The following GMPS variants were observed in gnomAD, a reference collection of about 807,000 sequenced individuals.
GMPS encodes the protein GMP synthase [glutamine-hydrolyzing].
A neutral mutation model predicts 77.9 loss-of-function variants in GMPS; 15 were observed. That is an observed-to-expected ratio of 0.19 (90% CI 0.13 to 0.30). The LOEUF (loss-of-function observed/expected upper bound fraction) is 0.30, where lower values mean the gene tolerates loss of function less well. GMPS is among the 10% of genes least tolerant of loss of function. GMPS has a pLI of 1.00. For missense variants in GMPS, 590 were observed against 838.8 expected (o/e 0.70, Z 3.66); for synonymous variants, 224 against 275.9 (o/e 0.81, Z 1.86).
chr3:155,933,533 A>G (rs1030300061), intron 13 of GMPS, among the ~76,000 whole-genome samples: 5 of 150,484 alleles, frequency 3.3e-5, no homozygotes, highest in African/African-American at 7.3e-5. Flanking sequence ...CTTACTGTCT[A>G]TACGTGGGAC....
At chr3:155,907,242 G>A (rs1045780520) in intron 5 of GMPS, among the ~76,000 whole-genome samples, 6 of 152,182 alleles carry the variant, frequency 3.9e-5, no homozygotes, top group African/African-American at 9.6e-5. Flanking sequence ...ACAAACATTC[G>A]AGTACCTATT....
At position 155,935,187 on chromosome 3, in the gene GMPS, T is replaced by G. The variant is rs543482735; in HGVS notation, c.1807+141T>G. 3.7e-5 allele frequency: 25 copies of G among 683,928 alleles called. No individual in the cohort carries two copies. The Admixed American group carries it at 5.7e-4, about 16-fold the overall frequency. 42.4% of individuals were successfully genotyped at this position (683,928 alleles called of 1,614,324 possible). On this transcript the variant is annotated intron_variant, in intron 14 of 15. Transcript: ENST00000496455. ...ATCTTTGAATGTTCTATGATGTTGC[T>G]TTTTTTTCTTGAGACGGAGTCTGTC...
At chr3:155,915,902 A>G in intron 8 of GMPS, 117 bp from the exon 9 acceptor site, 1 of 669,330 alleles carries the variant, frequency 1.5e-6, no homozygotes, top group Middle Eastern at 3.9e-4. Flanking sequence ...AGATTGGTGG[A>G]TTTTATTTTC....
chr3:155,886,543 C>T lies in GMPS; in HGVS notation c.28-6975C>T, dbSNP rs368051160. On this transcript the variant is annotated intron_variant, in intron 1 of 15. Transcript: ENST00000496455. ...GAGATCGCGCCACTGCACTCTAGCCCGGGCTACAGTACAAGAGTCCATCTC... is the reference window on the plus strand; with the variant it reads ...GAGATCGCGCCACTGCACTCTAGCCTGGGCTACAGTACAAGAGTCCATCTC... 5.5e-3 allele frequency among the ~76,000 whole-genome samples: 756 copies of T among 137,898 alleles called. 2 individuals carry two copies. The highest frequency in any genetic ancestry group is 0.014 in the South Asian group (58 of 4,218). 90.5% of individuals were successfully genotyped at this position (137,898 alleles called of 152,430 possible).
chr3:155,933,565 G>A (rs1410827908), intron 13 of GMPS, among the ~76,000 whole-genome samples: 2 of 152,184 alleles, frequency 1.3e-5, no homozygotes, highest in Non-Finnish European at 2.9e-5. Flanking sequence ...TTCTGTTGTA[G>A]TATGTTTGGA....
intron 11 of GMPS, among the ~76,000 whole-genome samples, chr3:155,924,530 A>G (rs1194208390): frequency 1.3e-5 from 2 of 152,228 alleles, no homozygotes; most frequent in South Asian, 4.1e-4. Flanking sequence ...AAGGACAACT[A>G]CTGCAAGAAT....
intron 12 of GMPS, among the ~76,000 whole-genome samples, chr3:155,925,581 G>A (rs1755434241): frequency 6.6e-6 from 1 of 152,108 alleles, no homozygotes; most frequent in Admixed American, 6.5e-5. Context: ...CAAGTTTAGA[G>A]AAATAAGGTA....
intron 5 of GMPS, 68 bp from the exon 6 acceptor site, chr3:155,910,624 A>G: frequency 1.4e-6 from 1 of 711,340 alleles, no homozygotes; most frequent in South Asian, 2.3e-5. Flanking sequence ...TGAGAAATTA[A>G]TTGTGGTTAT....
intron 14 of GMPS, among the ~76,000 whole-genome samples, chr3:155,936,073 A>G (rs999127634): frequency 1.3e-5 from 2 of 152,202 alleles, no homozygotes; most frequent in Non-Finnish European, 2.9e-5. Flanking sequence ...ACTGCAAATT[A>G]TAATAGAGAA....
intron 11 of GMPS, among the ~76,000 whole-genome samples, chr3:155,923,392 T>C (rs1178378987): frequency 6.6e-6 from 1 of 152,104 alleles, no homozygotes; most frequent in Non-Finnish European, 1.5e-5. Context: ...AAAAATGTAT[T>C]AATTCCTCCA....
chr3:155,902,088 T>G (rs1754749729), intron 3 of GMPS, among the ~76,000 whole-genome samples: 1 of 152,194 alleles, frequency 6.6e-6, no homozygotes, highest in African/African-American at 2.4e-5. Context: ...CTATATGGCT[T>G]TCTTTGAGGC....
At chr3:155,882,965 A>G (rs1560036343) in intron 1 of GMPS, among the ~76,000 whole-genome samples, 1 of 152,364 alleles carries the variant, frequency 6.6e-6, no homozygotes, top group East Asian at 1.9e-4. Flanking sequence ...GTATGTAGAA[A>G]AGAGACTGGG....
chr3:155,914,324 G>A lies in GMPS; in HGVS notation c.887-95G>A, dbSNP rs537189962. On this transcript the variant is annotated intron_variant, in intron 7 of 15. Transcript: ENST00000496455. ...GATCAAAGGACTGCTCTTCAGACTG[G>A]GAAAGAAATAGCTTTTCTTTCTGTA... The A allele has an allele frequency of 2.2e-4, 192 of 883,422 alleles. No individual in the cohort carries two copies. In the African/African-American group the frequency reaches 2.3e-3, roughly 11 times the overall value. 54.7% of individuals were successfully genotyped at this position (883,422 alleles called of 1,614,324 possible). A position where few individuals can be genotyped will look rare whatever the true frequency, so the allele number is the denominator to read the frequency against.
In GMPS at chr3:155,931,875, TA is replaced by T; in HGVS notation, c.1673del (p.Asn558ThrfsTer23). 1.4e-6 allele frequency: 2 copies of T among 1,442,762 alleles called. No individual in the cohort carries two copies. Among genetic ancestry groups the T allele is most frequent in the Non-Finnish European group, 2.0e-6 (2 of 1,024,962 alleles). The allele number at this position is 1,442,762 out of a possible 1,614,324, so 89.4% of individuals were successfully genotyped here. On this transcript the variant is annotated frameshift_variant, in exon 13 of 16. Transcript: ENST00000496455. LOFTEE classifies it high-confidence loss of function. Reference protein sequence around the residue: ...RLIPRMCHNVNRVVYIFGPPV... With the variant: ...RLIPRMCHNVXRVVYIFGPPV... The stretch of plus-strand genomic sequence containing the variant: ...TTATACCTCGCATGTGTCACAACGT[TA>T]ACAGGTGTGTTTCACAGGAGCTAGG...
chr3:155,894,384 T>G (rs993395546), intron 2 of GMPS, among the ~76,000 whole-genome samples: 2 of 152,158 alleles, frequency 1.3e-5, no homozygotes, highest in African/African-American at 4.8e-5. Flanking sequence ...CCACCACACC[T>G]GGCTAATTTT....
intron 13 of GMPS, among the ~76,000 whole-genome samples, chr3:155,932,796 T>C (rs1282280477): frequency 1.3e-5 from 2 of 152,208 alleles, no homozygotes; most frequent in African/African-American, 2.4e-5. Context: ...GCCATGTTTT[T>C]ACCGATGGGA....
At position 155,885,767 on chromosome 3, in the gene GMPS, T is replaced by A. The variant is rs180711284; in HGVS notation, c.28-7751T>A. On this transcript the variant is annotated intron_variant, in intron 1 of 15. Transcript: ENST00000496455. ...TTTAACCTGTATATAGAAAGAGACTTATTTAGACAAACTTGAAAGACTCAT... is the reference window on the plus strand; with the variant it reads ...TTTAACCTGTATATAGAAAGAGACTAATTTAGACAAACTTGAAAGACTCAT... Among the ~76,000 whole-genome samples the A allele has an allele frequency of 9.2e-5, 14 of 152,314 alleles. No homozygotes were observed. The East Asian group carries it at 2.5e-3, about 27-fold the overall frequency.
rs372973196 is a variant in GMPS at position 155,885,693 on chromosome 3, G to T, written c.28-7825G>T. Among the ~76,000 whole-genome samples, 80 of 152,306 alleles carry T rather than the reference G, an allele frequency of 5.3e-4. 4 individuals are homozygous for T. Among genetic ancestry groups the T allele is most frequent in the African/African-American group, 1.9e-3 (77 of 41,564 alleles). ...TTTGTATTATACTTACTGTTTGAGT[G>T]CCACTAATCCAAAAATCCAAAATGT... On this transcript the variant is annotated intron_variant, in intron 1 of 15. Transcript: ENST00000496455.
At chr3:155,896,511 T>C (rs1754606995) in intron 2 of GMPS, among the ~76,000 whole-genome samples, 1 of 152,132 alleles carries the variant, frequency 6.6e-6, no homozygotes, top group Admixed American at 6.5e-5. Flanking sequence ...TTTGAGCTCA[T>C]TGAAGTTGCT....
Sources: gnomAD v4.1 joint callset for allele counts (sites outside exome capture counted in the v4.1 genomes callset) on GRCh38, gnomAD v4.1.1 for gene constraint, MANE v1.5 for transcripts, NCBI Gene and HGNC (gene_info 2026-07-23, HGNC 2026-07-21) for gene names.